C2CD5: variants seen among roughly 807,000 people sequenced by gnomAD.
C2CD5 encodes C2 calcium dependent domain containing 5.
A neutral mutation model predicts 130.3 loss-of-function variants in C2CD5; 109 were observed. The observed-to-expected ratio is 0.84, with a 90% CI of 0.72 to 0.98. The LOEUF is 0.98. C2CD5 is among the 50% of genes least tolerant of loss of function. The pLI is 0.00. For synonymous variants in C2CD5, 454 were observed against 429.2 expected (o/e 1.06, Z -0.71); for missense variants, 996 against 1,261.8 (o/e 0.79, Z 3.19).
intron 2 of C2CD5, among the ~76,000 whole-genome samples, chr12:22,543,834 G>C (rs952127684): frequency 6.6e-6 from 1 of 152,200 alleles, no homozygotes; most frequent in Admixed American, 6.5e-5. Context: ...ATGCACAACA[G>C]TACAAGCCTC....
At chr12:22,458,643 C>A in intron 23 of C2CD5, 58 bp from the exon 24 acceptor site, 1 of 658,550 alleles carries the variant, frequency 1.5e-6, no homozygotes, top group South Asian at 6.7e-5. Flanking sequence ...TGGATGATGT[C>A]TCTTACTCGT....
intron 2 of C2CD5, among the ~76,000 whole-genome samples, chr12:22,542,363 A>G (rs1008736425): frequency 1.3e-5 from 2 of 152,376 alleles, no homozygotes; most frequent in East Asian, 3.9e-4. Flanking sequence ...AGTGACCTGC[A>G]TTCAGCTTCC....
chr12:22,532,229 C>T (rs991878132), intron 3 of C2CD5, among the ~76,000 whole-genome samples: 5 of 151,654 alleles, frequency 3.3e-5, no homozygotes, highest in African/African-American at 1.2e-4. Flanking sequence ...ACTCAAGAGG[C>T]TGAGGCAGGA....
intron 3 of C2CD5, among the ~76,000 whole-genome samples, chr12:22,530,076 CTATATATATATATATATATATATA>C (rs918605281): frequency 1.3e-5 from 1 of 77,290 alleles, no homozygotes; most frequent in African/African-American, 4.7e-5. Context: ...TATTTGAGTG[CTATATATATATATATATATATATA>C]TATATATATA....
At chr12:22,521,674 A>C (rs566155463) in intron 7 of C2CD5, among the ~76,000 whole-genome samples, 1 of 152,350 alleles carries the variant, frequency 6.6e-6, no homozygotes, top group East Asian at 1.9e-4. Context: ...TGGAATATAA[A>C]GCAAATTCAT....
intron 10 of C2CD5, among the ~76,000 whole-genome samples, chr12:22,506,123 T>A (rs938670452): frequency 6.6e-6 from 1 of 152,130 alleles, no homozygotes; most frequent in African/African-American, 2.4e-5. Flanking sequence ...CTTTGACCCA[T>A]GGACTGGTTT....
Position 22,449,742 on chromosome 12 carries a change from C to CT in C2CD5, c.*17dup. ...TTGATGAATTTCATTTAGTTGAGCT[C>CT]TTTTTTCCTAATTTTCCTCAGGTTG... On this transcript the variant is annotated 3_prime_UTR_variant, in exon 27 of 27. Transcript: ENST00000446597. 1 of 1,561,746 alleles carries CT rather than the reference C, an allele frequency of 6.4e-7. No individual in the cohort carries two copies. Among genetic ancestry groups the CT allele is most frequent in the Middle Eastern group, 1.7e-4 (1 of 5,840 alleles).
At chr12:22,518,970 T>C (rs1950023825) in intron 7 of C2CD5, 1 of 613,042 alleles carries the variant, frequency 1.6e-6, no homozygotes, top group Non-Finnish European at 2.7e-6. Flanking sequence ...AATACAGAAG[T>C]TCCTCACTGC....
chr12:22,506,832 A>G lies in C2CD5; in HGVS notation c.1039-13T>C, dbSNP rs1404838745. The G allele has an allele frequency of 1.4e-6, 2 of 1,465,924 alleles. No homozygotes were observed. Among genetic ancestry groups the G allele is most frequent in the Non-Finnish European group, 9.6e-7 (1 of 1,045,180 alleles). 90.8% of individuals were successfully genotyped at this position (1,465,924 alleles called of 1,614,324 possible). A position where few individuals can be genotyped will look rare whatever the true frequency, so the allele number is the denominator to read the frequency against. On this transcript the variant is annotated splice_polypyrimidine_tract_variant and intron_variant, in intron 9 of 26. Coordinates refer to ENST00000446597, the MANE Select transcript of C2CD5 (RefSeq NM_001286176.2). ...AAAATGGAAATTCCTAGTGGAAAGA[A>G]TAAGGGAAAAATACAACTTATCGTG...
At chr12:22,504,250 T>C (rs1948176944) in intron 10 of C2CD5, among the ~76,000 whole-genome samples, 1 of 151,974 alleles carries the variant, frequency 6.6e-6, no homozygotes, top group East Asian at 1.9e-4. Context: ...CCAGACTCTA[T>C]AGCTTACTCA....
intron 22 of C2CD5, 86 bp from the exon 23 acceptor site, chr12:22,459,628 G>T: frequency 2.6e-6 from 2 of 768,902 alleles, no homozygotes; most frequent in East Asian, 2.8e-5. Flanking sequence ...ACCTCTATAA[G>T]CCAGAAGAAT....
At chr12:22,488,050 A>AGGGGGAG (rs1163465354) in intron 12 of C2CD5, among the ~76,000 whole-genome samples, 1 of 62,214 alleles carries the variant, frequency 1.6e-5, no homozygotes, top group Non-Finnish European at 3.1e-5. Context: ...GTTGTGGGGT[A>AGGGGGAG]GGGGGAGGGG....
At chr12:22,480,808 T>TC (rs1398160918) in intron 14 of C2CD5, among the ~76,000 whole-genome samples, 2 of 152,036 alleles carry the variant, frequency 1.3e-5, no homozygotes, top group East Asian at 3.9e-4. Flanking sequence ...AAGAAATTTT[T>TC]TTTTTTTTTT....
rs1230115566 is a variant in C2CD5 at position 22,469,694 on chromosome 12, C to T, written c.2533+15G>A. On this transcript the variant is annotated intron_variant, in intron 22 of 26. Coordinates refer to ENST00000446597, the MANE Select transcript of C2CD5 (RefSeq NM_001286176.2). ...AACCAGGATTTGTGTTTGCTTTTTC[C>T]CTCACTTAACCAACCTTTAGCTGGT... 12 of 1,535,566 alleles carry T rather than the reference C, an allele frequency of 7.8e-6. No individual in the cohort carries two copies. The highest frequency in any genetic ancestry group is 3.6e-5 in the South Asian group (3 of 84,144).
intron 2 of C2CD5, among the ~76,000 whole-genome samples, chr12:22,537,620 C>T (rs940804131): frequency 5.9e-5 from 9 of 152,142 alleles, no homozygotes; most frequent in African/African-American, 1.9e-4. Flanking sequence ...GTAAAGCATT[C>T]TCTTTACCTA....
chr12:22,470,498 T>A (rs919498067), intron 21 of C2CD5, among the ~76,000 whole-genome samples: 2 of 152,106 alleles, frequency 1.3e-5, no homozygotes, highest in Admixed American at 1.3e-4. Context: ...CATCAGTAGG[T>A]CCTCAGATGC....
At chr12:22,492,276 A>C (rs1271393678) in intron 11 of C2CD5, among the ~76,000 whole-genome samples, 1 of 152,170 alleles carries the variant, frequency 6.6e-6, no homozygotes, top group East Asian at 1.9e-4. Context: ...TGAAGGGCTG[A>C]AAGTAGGGTT....
intron 14 of C2CD5, among the ~76,000 whole-genome samples, chr12:22,481,209 C>T (rs1271844277): frequency 2.0e-5 from 3 of 152,116 alleles, no homozygotes; most frequent in Non-Finnish European, 4.4e-5. Flanking sequence ...ATACAATTAT[C>T]CTCTACATAC....
intron 3 of C2CD5, among the ~76,000 whole-genome samples, chr12:22,533,065 G>T (rs1157721086): frequency 6.6e-6 from 1 of 152,164 alleles, no homozygotes; most frequent in East Asian, 1.9e-4. Context: ...ACGCTCTTCT[G>T]GGCGTTGAGG....
Sources: allele counts gnomAD v4.1 joint callset (sites outside exome capture counted in the v4.1 genomes callset), GRCh38; gene constraint gnomAD v4.1.1; transcripts MANE v1.5; gene names NCBI Gene and HGNC (gene_info 2026-07-23, HGNC 2026-07-21).